The following DENND4C variants were observed in gnomAD, a reference collection of about 807,000 sequenced individuals.
DENND4C encodes DENN domain-containing protein 4C.
DENND4C carries 108 observed loss-of-function variants against 203.0 expected under a neutral mutation model. That is an observed-to-expected ratio of 0.53 (90% confidence interval 0.46 to 0.62). The LOEUF is 0.62. Ranked by LOEUF, DENND4C falls within the 20% of genes least tolerant of loss-of-function variation. The pLI is 0.00. For synonymous variants in DENND4C, 871 were observed against 792.4 expected, an observed-to-expected ratio of 1.10 and a Z score of -1.67; for missense variants, 2,481 against 2,301.2, an observed-to-expected ratio of 1.08 and a Z score of -1.60.
intron 1 of DENND4C, among the ~76,000 whole-genome samples, chr9:19,251,866 T>G (rs1484158408): frequency 6.6e-6 from 1 of 152,188 alleles, no homozygotes; most frequent in Non-Finnish European, 1.5e-5. Context: ...GATCAGCATT[T>G]TGGTCAAAGC....
chr9:19,359,843 G>GAA (rs1296644143), intron 28 of DENND4C, among the ~76,000 whole-genome samples: 1 of 152,074 alleles, frequency 6.6e-6, no homozygotes, highest in African/African-American at 2.4e-5. Context: ...AGTCAACAAA[G>GAA]AATATTAATG....
rs928708508 is a variant in DENND4C at position 19,239,033 on chromosome 9, C to G, written c.-18+8200C>G. ...TCTATCATTGCTCATATTGGTAATT[C>G]CAGCCTCTTGCTTTTTTCTTAATCT... On this transcript the variant is annotated intron_variant, in intron 1 of 32. Coordinates refer to ENST00000434457, the MANE Select transcript of DENND4C (RefSeq NM_001330640.2). Among the ~76,000 whole-genome samples, 5 of 151,896 alleles carry G rather than the reference C, an allele frequency of 3.3e-5. 1 individual carries two copies. The highest frequency in any genetic ancestry group is 7.4e-5 in the Non-Finnish European group (5 of 67,992).
In DENND4C at chr9:19,326,052, A is replaced by C. The variant is rs1044271809; in HGVS notation, c.1990-12A>C. 1 of 1,606,710 alleles carries C rather than the reference A, an allele frequency of 6.2e-7. No individual in the cohort carries two copies. Among genetic ancestry groups the C allele is most frequent in the South Asian group, 1.1e-5 (1 of 89,070 alleles). Reference sequence around the variant, plus strand: ...GTATGCAAATTAATTGGGGAAAAATAATGATTTTCAGGTTGATTTTGATTC... The same window carrying C: ...GTATGCAAATTAATTGGGGAAAAATCATGATTTTCAGGTTGATTTTGATTC... On this transcript the variant is annotated splice_polypyrimidine_tract_variant and intron_variant, in intron 14 of 32. Coordinates refer to ENST00000434457, the MANE Select transcript of DENND4C (RefSeq NM_001330640.2).
intron 1 of DENND4C, among the ~76,000 whole-genome samples, chr9:19,244,081 A>C (rs924209378): frequency 1.2e-4 from 19 of 152,040 alleles, no homozygotes; most frequent in African/African-American, 4.6e-4. Flanking sequence ...CCCAGGCTGA[A>C]GTGCAGTGGC....
chr9:19,231,566 C>G (rs1205954744), intron 1 of DENND4C, among the ~76,000 whole-genome samples: 1 of 149,110 alleles, frequency 6.7e-6, no homozygotes, highest in African/African-American at 2.5e-5. Context: ...CTCCCCTTTT[C>G]TGCTTGATAG....
intron 27 of DENND4C, 106 bp from the exon 28 acceptor site, chr9:19,357,859 G>A (rs1825723838): frequency 1.1e-6 from 1 of 888,250 alleles, no homozygotes; most frequent in African/African-American, 1.7e-5. Context: ...ATTCTTCTTA[G>A]ATATATTTAG....
chr9:19,255,146 C>G (rs1002148731), intron 1 of DENND4C, among the ~76,000 whole-genome samples: 1 of 152,028 alleles, frequency 6.6e-6, no homozygotes, highest in Non-Finnish European at 1.5e-5. Context: ...AACTCTGTCT[C>G]AGTCTCAGTG....
chr9:19,326,452 G>A (rs1378328369), intron 15 of DENND4C, among the ~76,000 whole-genome samples: 1 of 152,068 alleles, frequency 6.6e-6, no homozygotes, highest in African/African-American at 2.4e-5. Flanking sequence ...GAAGAAAAAT[G>A]ATACTTTTAT....
chr9:19,255,478 C>A (rs982504080), intron 1 of DENND4C, among the ~76,000 whole-genome samples: 1 of 151,942 alleles, frequency 6.6e-6, no homozygotes, highest in African/African-American at 2.4e-5. Flanking sequence ...TGTTTACAAT[C>A]AACAGGTTTA....
In DENND4C at chr9:19,361,972, A is replaced by C. The variant is rs1826581452; in HGVS notation, c.5524+9A>C. 1 of 1,516,956 alleles carries C rather than the reference A, an allele frequency of 6.6e-7. No homozygotes were observed. Among genetic ancestry groups the C allele is most frequent in the Non-Finnish European group, 9.1e-7 (1 of 1,093,104 alleles). The allele number at this position is 1,516,956 out of a possible 1,614,324, so 94.0% of individuals were successfully genotyped here. A position where few individuals can be genotyped will look rare whatever the true frequency, so the allele number is the denominator to read the frequency against. ...CTCATGGAGGAATTTTAGTAAGTAAAATAGAATTAAAGACATAACAGCCAG... is the reference window on the plus strand; with the variant it reads ...CTCATGGAGGAATTTTAGTAAGTAACATAGAATTAAAGACATAACAGCCAG... On this transcript the variant is annotated intron_variant, in intron 30 of 32. Transcript: ENST00000434457.
chr9:19,246,240 C>T (rs1393016387), intron 1 of DENND4C, among the ~76,000 whole-genome samples: 1 of 151,600 alleles, frequency 6.6e-6, no homozygotes, highest in Non-Finnish European at 1.5e-5. Context: ...TCTTTGTCAA[C>T]TCTGTAATTC....
At chr9:19,270,633 A>G (rs1232258282) in intron 1 of DENND4C, among the ~76,000 whole-genome samples, 3 of 152,104 alleles carry the variant, frequency 2.0e-5, no homozygotes, top group Non-Finnish European at 2.9e-5. Flanking sequence ...CCTTTTGGCT[A>G]TTGTGAATAG....
Position 19,345,935 on chromosome 9 carries a change from G to A in DENND4C, c.3166G>A (p.Val1056Met), listed in dbSNP as rs1336033040. The A allele has an allele frequency of 9.3e-6, 15 of 1,611,288 alleles. No homozygotes were observed. The highest frequency in any genetic ancestry group is 4.5e-5 in the East Asian group (2 of 44,878). The change falls in exon 23 of 33, where the codon GTG becomes ATG. Residue 1056 changes from valine to methionine, a missense_variant. This residue lies in a region of DENND4C where 2,289 missense variants were observed against 2,113.3 expected (regional missense o/e 1.08). Transcript: ENST00000434457. ...RKSSTGSISN[V>M]LFSTQDPVED... The stretch of plus-strand genomic sequence containing the variant: ...TTCCCTTTTAGGTAGTATATCAAAT[G>A]TGCTGTTTTCTACTCAAGATCCAGT...
intron 1 of DENND4C, among the ~76,000 whole-genome samples, chr9:19,233,504 A>G (rs1483079646): frequency 6.6e-6 from 1 of 150,432 alleles, no homozygotes; most frequent in East Asian, 1.9e-4. Flanking sequence ...GCTTTAAAAC[A>G]TTTTCTACAT....
intron 4 of DENND4C, among the ~76,000 whole-genome samples, chr9:19,289,427 A>C (rs1227712020): frequency 1.3e-5 from 2 of 152,214 alleles, no homozygotes; most frequent in Non-Finnish European, 2.9e-5. Flanking sequence ...CATATCCAAA[A>C]AATCGTGATT....
At position 19,352,744 on chromosome 9, in the gene DENND4C, G is replaced by T. The variant is rs945324945; in HGVS notation, c.4781+79G>T. 7 of 1,190,412 alleles carry T rather than the reference G, an allele frequency of 5.9e-6. 1 individual carries two copies. The Admixed American group carries it at 1.9e-4, about 33-fold the overall frequency. The allele number at this position is 1,190,412 out of a possible 1,614,324, so 73.7% of individuals were successfully genotyped here. The stretch of plus-strand genomic sequence containing the variant: ...TCTGGGAGAAGAGTGAAATATTCCT[G>T]GTATGCTCCAGGTCTGCCTTCCTGT... On this transcript the variant is annotated intron_variant, in intron 26 of 32. Coordinates refer to ENST00000434457, the MANE Select transcript of DENND4C (RefSeq NM_001330640.2).
Position 19,282,668 on chromosome 9 carries a change from G to A in DENND4C, c.306-4101G>A, listed in dbSNP as rs116257914. Among the ~76,000 whole-genome samples the A allele has an allele frequency of 4.0e-3, 594 of 148,188 alleles. 3 individuals are homozygous for A. Among genetic ancestry groups the A allele is most frequent in the African/African-American group, 0.014 (572 of 40,240 alleles). On this transcript the variant is annotated intron_variant, in intron 2 of 32. Coordinates refer to ENST00000434457, the MANE Select transcript of DENND4C (RefSeq NM_001330640.2). ...CTGCTGAATAGCTGGCACTAGCTTG[G>A]TTTTTAAACTTTATTTTTTGTTTTT...
chr9:19,324,531 T>C (rs762180638), intron 13 of DENND4C, 24 bp downstream of exon 13: 2 of 1,586,974 alleles, frequency 1.3e-6, no homozygotes. Context: ...CTTATACTAG[T>C]GTTTAGAAAA....
At chr9:19,238,879 T>G (rs978378651) in intron 1 of DENND4C, among the ~76,000 whole-genome samples, 1 of 149,830 alleles carries the variant, frequency 6.7e-6, no homozygotes, top group Non-Finnish European at 1.5e-5. Flanking sequence ...TCTCGAACTC[T>G]TGACCTCAGG....
Sources: gnomAD v4.1 joint callset for allele counts (sites outside exome capture counted in the v4.1 genomes callset) on GRCh38, gnomAD v4.1.1 for gene constraint, gnomAD v4.1.1 regional missense constraint, MANE v1.5 for transcripts, NCBI Gene and HGNC (gene_info 2026-07-23, HGNC 2026-07-21) for gene names.